CCSER1: variants seen among roughly 807,000 people sequenced by gnomAD.
CCSER1 encodes the protein serine-rich coiled-coil domain-containing protein 1.
In CCSER1, 41 loss-of-function variants were observed where a neutral mutation model predicts 82.0. The observed-to-expected ratio is 0.50, with a 90% CI of 0.39 to 0.65. The LOEUF (loss-of-function observed/expected upper bound fraction) is 0.65. Ranked by LOEUF, CCSER1 falls within the 30% of genes least tolerant of loss-of-function variation. CCSER1 has a pLI of 0.00. For missense variants in CCSER1, 1,119 were observed against 1,064.2 expected (o/e 1.05, Z -0.72); for synonymous variants, 414 against 383.9 (o/e 1.08, Z -0.92).
chr4:90,526,759 T>C (rs866033060), intron 5 of CCSER1, among the ~76,000 whole-genome samples: 4 of 152,344 alleles, frequency 2.6e-5, no homozygotes, highest in African/African-American at 4.8e-5. Flanking sequence ...ATTTTCTTTA[T>C]CCAGTCTATC....
chr4:91,326,443 G>C (rs960852592), intron 10 of CCSER1, among the ~76,000 whole-genome samples: 1 of 151,978 alleles, frequency 6.6e-6, no homozygotes, highest in Non-Finnish European at 1.5e-5. Context: ...CACTAGAACA[G>C]TAAGGGGGAA....
chr4:91,319,807 A>C, intron 10 of CCSER1: 1 of 431,960 alleles, frequency 2.3e-6, no homozygotes, highest in Non-Finnish European at 4.6e-6. Context: ...AAGGCACAGC[A>C]GAATTGAACA....
At chr4:91,342,125 A>G (rs1747761878) in intron 10 of CCSER1, among the ~76,000 whole-genome samples, 1 of 152,208 alleles carries the variant, frequency 6.6e-6, no homozygotes, top group Admixed American at 6.5e-5. Flanking sequence ...TCACTACACT[A>G]AGCATTTGAA....
chr4:90,387,945 A>C (rs1367142657), intron 3 of CCSER1, among the ~76,000 whole-genome samples: 1 of 152,200 alleles, frequency 6.6e-6, no homozygotes, highest in African/African-American at 2.4e-5. Flanking sequence ...GGTTTTGTGA[A>C]TCCTGCAATC....
chr4:90,782,322 T>G (rs1305602254), intron 7 of CCSER1, among the ~76,000 whole-genome samples: 3 of 152,186 alleles, frequency 2.0e-5, no homozygotes, highest in African/African-American at 7.2e-5. Context: ...CACTCACACA[T>G]TCATTCATTC....
At chr4:91,078,266 C>A (rs919098346) in intron 9 of CCSER1, among the ~76,000 whole-genome samples, 1 of 152,104 alleles carries the variant, frequency 6.6e-6, no homozygotes, top group African/African-American at 2.4e-5. Flanking sequence ...GATTAGGCAG[C>A]AACATTTGCT....
At chr4:91,197,023 T>C (rs1735495339) in intron 10 of CCSER1, among the ~76,000 whole-genome samples, 1 of 152,228 alleles carries the variant, frequency 6.6e-6, no homozygotes, top group Non-Finnish European at 1.5e-5. Flanking sequence ...GTAATAACCC[T>C]TTAAAATGTG....
rs573494038 is a variant in CCSER1 at position 91,369,661 on chromosome 4, CTTTTTTTTTT to C, written c.2218-228892_2218-228883del. On this transcript the variant is annotated intron_variant, in intron 10 of 10. Coordinates refer to ENST00000509176, the MANE Select transcript of CCSER1 (RefSeq NM_001145065.2). Reference sequence around the variant, plus strand: ...GTCCCAGGTCCAAATTAATCTGTAGCTTTTTTTTTTTTTTTTTTTTTTTTTTTTGACAGTC... The same window carrying C: ...GTCCCAGGTCCAAATTAATCTGTAGCTTTTTTTTTTTTTTTTTTGACAGTC... 6.8e-5 allele frequency among the ~76,000 whole-genome samples: 5 copies of C among 73,462 alleles called. 1 individual carries two copies. Among genetic ancestry groups the C allele is most frequent in the South Asian group, 1.4e-3 (2 of 1,416 alleles). The allele number at this position is 73,462 out of a possible 152,430, so 48.2% of individuals were successfully genotyped here. A position where few individuals can be genotyped will look rare whatever the true frequency, so the allele number is the denominator to read the frequency against.
intron 6 of CCSER1, among the ~76,000 whole-genome samples, chr4:90,670,152 T>A (rs1234126944): frequency 6.6e-6 from 1 of 152,152 alleles, no homozygotes; most frequent in Non-Finnish European, 1.5e-5. Context: ...TGAGATGGAA[T>A]CTATTAAAGT....
At chr4:90,716,810 A>G (rs905299670) in intron 6 of CCSER1, among the ~76,000 whole-genome samples, 1 of 152,196 alleles carries the variant, frequency 6.6e-6, no homozygotes, top group Non-Finnish European at 1.5e-5. Context: ...TGCATTTCTT[A>G]GAATTTCTCT....
At chr4:91,446,001 A>G (rs1428482820) in intron 10 of CCSER1, among the ~76,000 whole-genome samples, 1 of 152,100 alleles carries the variant, frequency 6.6e-6, no homozygotes, top group Non-Finnish European at 1.5e-5. Flanking sequence ...AGTGCTTAGA[A>G]TATATATTAT....
intron 5 of CCSER1, among the ~76,000 whole-genome samples, chr4:90,551,010 G>T (rs926345686): frequency 1.3e-5 from 2 of 152,134 alleles, no homozygotes; most frequent in African/African-American, 2.4e-5. Flanking sequence ...ATCATCATAA[G>T]TGTGACCATC....
At chr4:91,405,642 T>G (rs2149365246) in intron 10 of CCSER1, among the ~76,000 whole-genome samples, 1 of 152,310 alleles carries the variant, frequency 6.6e-6, no homozygotes, top group African/African-American at 2.4e-5. Context: ...GTGCTAGCAG[T>G]GAGCCTGGCT....
intron 1 of CCSER1, among the ~76,000 whole-genome samples, chr4:90,211,529 G>A (rs1739996610): frequency 1.3e-5 from 2 of 152,188 alleles, no homozygotes; most frequent in Admixed American, 6.5e-5. Flanking sequence ...AGAAAAGCAC[G>A]AATGCCAGAC....
intron 10 of CCSER1, among the ~76,000 whole-genome samples, chr4:91,208,338 T>G (rs1736518435): frequency 6.6e-6 from 1 of 152,000 alleles, no homozygotes; most frequent in African/African-American, 2.4e-5. Flanking sequence ...CTAGATTATC[T>G]TCCAGGGTTT....
In CCSER1 at chr4:90,271,877, T is replaced by A. The variant is rs1271837696; in HGVS notation, c.-41-36367T>A. Among the ~76,000 whole-genome samples, 184 of 107,866 alleles carry A rather than the reference T, an allele frequency of 1.7e-3. 2 individuals carry two copies. The highest frequency in any genetic ancestry group is 6.8e-3 in the South Asian group (18 of 2,646). The allele number at this position is 107,866 out of a possible 152,430, so 70.8% of individuals were successfully genotyped here. ...ATATATATATATTTTTTTTTTTTTT[T>A]TTTTTTTTTTTTTAAAAGGAGGTTT... On this transcript the variant is annotated intron_variant, in intron 1 of 10. Transcript: ENST00000509176.
At chr4:91,467,485 G>A (rs975943284) in intron 10 of CCSER1, among the ~76,000 whole-genome samples, 4 of 152,210 alleles carry the variant, frequency 2.6e-5, no homozygotes, top group African/African-American at 9.6e-5. Flanking sequence ...GGCAACAAAT[G>A]CCAAAATAGA....
chr4:90,384,602 C>T (rs746355300), intron 3 of CCSER1, among the ~76,000 whole-genome samples: 1 of 151,986 alleles, frequency 6.6e-6, no homozygotes, highest in Non-Finnish European at 1.5e-5. Flanking sequence ...AACTTCTTAC[C>T]GGCCTGAAAG....
At chr4:91,480,797 G>T (rs953168818) in intron 10 of CCSER1, among the ~76,000 whole-genome samples, 3 of 152,094 alleles carry the variant, frequency 2.0e-5, no homozygotes, top group Non-Finnish European at 4.4e-5. Context: ...ATGATAGAAC[G>T]TGACACTTCT....
Sources: allele counts gnomAD v4.1 joint callset (sites outside exome capture counted in the v4.1 genomes callset), GRCh38; gene constraint gnomAD v4.1.1; transcripts MANE v1.5; gene names NCBI Gene and HGNC (gene_info 2026-07-23, HGNC 2026-07-21).